Variants in KLF16 observed in about 807,000 individuals in gnomAD.
KLF16 encodes Krueppel-like factor 16.
KLF16 carries 6 observed loss-of-function variants against 6.1 expected under a neutral mutation model. The observed-to-expected ratio is 0.98, with a 90% CI of 0.54 to 1.93. The LOEUF is 1.93. Ranked by LOEUF, KLF16 falls within the 30% of genes most tolerant of loss-of-function variation. The probability of loss-of-function intolerance (pLI) is 0.01; values close to 1 mark genes in which losing one functional copy is unlikely to be tolerated. For synonymous variants in KLF16, 211 were observed against 176.5 expected (o/e 1.20, Z -1.55); for missense variants, 355 against 363.8 (o/e 0.98, Z 0.20).
chr19:1,876,518 T>TAA, the KLF16 span, among the ~76,000 whole-genome samples: 2 of 152,240 alleles, frequency 1.3e-5, no homozygotes, highest in Non-Finnish European at 2.9e-5. Flanking sequence ...CGCCCTCTGC[T>TAA]GGACCCCAGC....
At chr19:1,856,950 C>CGGGGGGGG (rs946961126) in intron 1 of KLF16, among the ~76,000 whole-genome samples, 2 of 43,262 alleles carry the variant, frequency 4.6e-5, no homozygotes, top group East Asian at 7.8e-4. Context: ...AGCAGGTTGC[C>CGGGGGGGG]GGGGTGGGGG....
At chr19:1,866,775 CAAAAAAAAA>C (rs10672007), upstream of KLF16, among the ~76,000 whole-genome samples, 6 of 86,824 alleles carry the variant, frequency 6.9e-5, 1 homozygote, top group South Asian at 2.6e-3. Context: ...GACCCTGTCT[CAAAAAAAAA>C]AAAAAAAAAA....
chr19:1,859,500 G>T (rs1300754374), intron 1 of KLF16, among the ~76,000 whole-genome samples: 1 of 151,984 alleles, frequency 6.6e-6, no homozygotes, highest in African/African-American at 2.4e-5. Context: ...GCCGCCCCCA[G>T]CGTCCCCACC....
At chr19:1,863,885 T>C (rs118085015), upstream of KLF16, among the ~76,000 whole-genome samples, 100,864 of 145,940 alleles carry the variant, frequency 0.69, 34,867 homozygotes, top group Admixed American at 0.73. Flanking sequence ...GGAGCGCGCC[T>C]TCTCCGCGCT....
the KLF16 span, among the ~76,000 whole-genome samples, chr19:1,868,642 C>CTT: frequency 6.0e-5 from 7 of 117,570 alleles, no homozygotes; most frequent in African/African-American, 1.6e-4. Flanking sequence ...CCACACCGGG[C>CTT]TTTTTTTTTT....
chr19:1,856,963 G>GGGGGGGGC (rs1466347651), intron 1 of KLF16, among the ~76,000 whole-genome samples: 1 of 117,400 alleles, frequency 8.5e-6, no homozygotes, highest in Non-Finnish European at 1.7e-5. Context: ...GGTGGGGGGG[G>GGGGGGGGC]CGACCGGGGC....
upstream of KLF16, among the ~76,000 whole-genome samples, chr19:1,863,781 C>A (rs2012129046): frequency 7.0e-6 from 1 of 142,712 alleles, no homozygotes; most frequent in Admixed American, 6.8e-5. Context: ...CTCTCCGAGC[C>A]GCGCGCGGCC....
chr19:1,854,383 A>C lies in KLF16; in HGVS notation c.*76T>G, dbSNP rs955858173. On this transcript the variant is annotated 3_prime_UTR_variant, in exon 2 of 2. Transcript: ENST00000250916. The stretch of plus-strand genomic sequence containing the variant: ...GTTTGCCCACGGCTGGAAGGGGCCC[A>C]GGCTCCCCGTGGGTCCTCACTACAC... 2 of 1,359,052 alleles carry C rather than the reference A, an allele frequency of 1.5e-6. No individual in the cohort carries two copies. Among genetic ancestry groups the C allele is most frequent in the Middle Eastern group, 2.7e-4 (1 of 3,646 alleles). The allele number at this position is 1,359,052 out of a possible 1,614,324, so 84.2% of individuals were successfully genotyped here.
rs534786953 is a variant in KLF16 at position 1,855,369 on chromosome 19, C to T, written c.458-609G>A. The stretch of plus-strand genomic sequence containing the variant: ...CCCGCAGGCACAGTCAGTCTGGGCC[C>T]CGATCTCGGGGTGTGGTTAGATGGA... On this transcript the variant is annotated intron_variant, in intron 1 of 1. Transcript: ENST00000250916. 1.4e-4 allele frequency among the ~76,000 whole-genome samples: 21 copies of T among 152,346 alleles called. No homozygotes were observed. In the South Asian group the frequency reaches 4.3e-3, roughly 32 times the overall value.
chr19:1,864,134 C>T (rs1444078751), upstream of KLF16, among the ~76,000 whole-genome samples: 13 of 146,696 alleles, frequency 8.9e-5, no homozygotes, highest in African/African-American at 2.3e-4. Flanking sequence ...GGCGCGCGGC[C>T]GGCGGGAGCC....
At chr19:1,869,952 G>A in the KLF16 span, among the ~76,000 whole-genome samples, 2 of 38,766 alleles carry the variant, frequency 5.2e-5, no homozygotes, top group East Asian at 1.5e-3. Context: ...TTTTTTTTTT[G>A]AGACGGAGTC....
chr19:1,862,894 C>T, intron 1 of KLF16, 147 bp downstream of exon 1: 1 of 232,614 alleles, frequency 4.3e-6, no homozygotes, highest in Non-Finnish European at 7.1e-6. Flanking sequence ...CCCCACCCAC[C>T]GAGGCCCCGC....
At position 1,863,229 on chromosome 19, in the gene KLF16, C is replaced by T; in HGVS notation, c.269G>A (p.Gly90Glu). 3 of 1,096,998 alleles carry T rather than the reference C, an allele frequency of 2.7e-6. No homozygotes were observed. The highest frequency in any genetic ancestry group is 3.3e-6 in the Non-Finnish European group (3 of 898,718). 68.0% of individuals were successfully genotyped at this position (1,096,998 alleles called of 1,614,324 possible). A position where few individuals can be genotyped will look rare whatever the true frequency, so the allele number is the denominator to read the frequency against. Reference sequence around the variant, plus strand: ...GGCGCCCCCCGGGGCGGCTCCGGGTCCGCCGCGCAGGTCGGCCAGGATGCT... The same window carrying T: ...GGCGCCCCCCGGGGCGGCTCCGGGTTCGCCGCGCAGGTCGGCCAGGATGCT... ...AASILADLRG[G>E]PGAAPGGASP... is the part of the protein sequence containing the mutation. Residue 90 changes from glycine (G) to glutamate (E), a missense_variant, in exon 1 of 2, where the codon GGA (glycine) becomes GAA (glutamate). Coordinates refer to ENST00000250916, the MANE Select transcript of KLF16 (RefSeq NM_031918.4).
intron 1 of KLF16, among the ~76,000 whole-genome samples, chr19:1,856,687 C>A (rs1266573708): frequency 2.0e-5 from 3 of 152,208 alleles, no homozygotes; most frequent in Admixed American, 6.5e-5. Flanking sequence ...CTGACAGCTC[C>A]CAAGGGCCTC....
At chr19:1,866,235 G>A (rs1428340916), upstream of KLF16, among the ~76,000 whole-genome samples, 2 of 151,942 alleles carry the variant, frequency 1.3e-5, no homozygotes, top group Non-Finnish European at 2.9e-5. Context: ...TTGAATCTGG[G>A]AGGTGGAGGT....
At chr19:1,861,242 A>C (rs2012058828) in intron 1 of KLF16, among the ~76,000 whole-genome samples, 1 of 152,086 alleles carries the variant, frequency 6.6e-6, no homozygotes, top group East Asian at 1.9e-4. Flanking sequence ...CGTCCACTTA[A>C]CCCAGAAACT....
the KLF16 span, among the ~76,000 whole-genome samples, chr19:1,873,989 C>T: frequency 6.6e-6 from 1 of 152,228 alleles, no homozygotes; most frequent in Non-Finnish European, 1.5e-5. Context: ...CATCGCGCAC[C>T]GTGAATATCC....
chr19:1,868,439 G>A (rs1163734346), upstream of KLF16, among the ~76,000 whole-genome samples: 1 of 142,090 alleles, frequency 7.0e-6, no homozygotes, highest in Non-Finnish European at 1.5e-5. Flanking sequence ...ACCTCAGGAA[G>A]ACAGGCAAAC....
upstream of KLF16, among the ~76,000 whole-genome samples, chr19:1,865,223 C>T (rs958262281): frequency 6.6e-6 from 1 of 152,208 alleles, no homozygotes; most frequent in Admixed American, 6.5e-5. Flanking sequence ...CACACACTTG[C>T]CCCTCTCCTA....
Sources: allele counts gnomAD v4.1 joint callset (sites outside exome capture counted in the v4.1 genomes callset), GRCh38; gene constraint gnomAD v4.1.1; transcripts MANE v1.5; gene names NCBI Gene and HGNC (gene_info 2026-07-23, HGNC 2026-07-21).